The following STIM2 variants were observed in gnomAD, a reference collection of about 807,000 sequenced individuals.
The protein encoded by STIM2 is stromal interaction molecule 2.
A neutral mutation model predicts 85.8 loss-of-function variants in STIM2; 31 were observed. The ratio of observed to expected loss-of-function variants is 0.36; its 90% confidence interval spans 0.27 to 0.49. The LOEUF (loss-of-function observed/expected upper bound fraction) is 0.49, where lower values mean the gene tolerates loss of function less well. Ranked by LOEUF, STIM2 falls within the 20% of genes least tolerant of loss-of-function variation. The probability of loss-of-function intolerance (pLI) is 0.98; values close to 1 mark genes in which losing one functional copy is unlikely to be tolerated. For missense variants in STIM2, 841 were observed against 927.6 expected, an observed-to-expected ratio of 0.91 and a Z score of 1.21; for synonymous variants, 356 against 331.1, an observed-to-expected ratio of 1.08 and a Z score of -0.82.
chr4:27,022,604 T>C lies in STIM2; in HGVS notation c.1849T>C (p.Tyr617His), dbSNP rs759981562. 4 of 1,614,092 alleles carry C rather than the reference T, an allele frequency of 2.5e-6. No individual in the cohort carries two copies. Among genetic ancestry groups the C allele is most frequent in the South Asian group, 1.1e-5 (1 of 91,086 alleles). The stretch of plus-strand genomic sequence containing the variant: ...GTCTCCTCCTTTAAGCCTCGAGATA[T>C]ACCAAACATTATCTCCGCGAAAGAT... The change falls in exon 12 of 12, where the codon TAC becomes CAC. Residue 617 changes from tyrosine (Y) to histidine (H), a missense_variant. Tyr to His is a moderately conservative substitution (Grantham distance 83). Transcript: ENST00000467087.
rs138261553 is a variant in STIM2 at position 27,002,986 on chromosome 4, G to A, written c.863G>A (p.Arg288His). 2.6e-5 allele frequency: 42 copies of A among 1,599,450 alleles called. No individual in the cohort carries two copies. The highest frequency in any genetic ancestry group is 4.6e-5 in the East Asian group (2 of 43,808). The change falls in exon 7 of 12, where the codon CGC (arginine) becomes CAC (histidine). Residue 288 changes from arginine to histidine, a missense_variant. By Grantham distance (29) the Arg-to-His change is conservative (BLOSUM62 0). Coordinates refer to ENST00000467087, the MANE Select transcript of STIM2 (RefSeq NM_020860.4). ...GCTGTAGAAAAGCAAAATTTAGAGCGCAAAATGATGGATGAAATCAATTAT... is the reference window on the plus strand; with the variant it reads ...GCTGTAGAAAAGCAAAATTTAGAGCACAAAATGATGGATGAAATCAATTAT...
chr4:26,954,346 A>G (rs1353285244), intron 2 of STIM2, among the ~76,000 whole-genome samples: 1 of 125,500 alleles, frequency 8.0e-6, no homozygotes, highest in African/African-American at 3.5e-5. Context: ...GCACTCCCTT[A>G]TGTACCTTGT....
chr4:26,922,602 C>G (rs1204276005), intron 2 of STIM2, among the ~76,000 whole-genome samples: 2 of 152,134 alleles, frequency 1.3e-5, no homozygotes, highest in Non-Finnish European at 2.9e-5. Context: ...CTTCTTCATT[C>G]CACCCTCCCA....
In STIM2 at chr4:27,023,041, T is replaced by G. The variant is rs1230912812; in HGVS notation, c.*45T>G. The G allele has an allele frequency of 6.4e-7, 1 of 1,558,190 alleles. No homozygotes were observed. Among genetic ancestry groups the G allele is most frequent in the African/African-American group, 1.4e-5 (1 of 73,570 alleles). On this transcript the variant is annotated 3_prime_UTR_variant, in exon 12 of 12. Coordinates refer to ENST00000467087, the MANE Select transcript of STIM2 (RefSeq NM_020860.4). ...TCATGTTCAAGTGGCATCTGTAAAC[T>G]ATTATCCCCCACCCTCCACTCCCCA...
chr4:26,885,522 T>C (rs571061991), intron 1 of STIM2, among the ~76,000 whole-genome samples: 1 of 152,240 alleles, frequency 6.6e-6, no homozygotes, highest in South Asian at 2.1e-4. Flanking sequence ...TTTTGGTATC[T>C]GCTAAGACTG....
At chr4:26,984,045 A>C (rs1727494971) in intron 3 of STIM2, among the ~76,000 whole-genome samples, 1 of 152,196 alleles carries the variant, frequency 6.6e-6, no homozygotes. Context: ...TATACTTTGG[A>C]AAATAGCACC....
At chr4:26,885,726 A>T (rs943350725) in intron 1 of STIM2, among the ~76,000 whole-genome samples, 1 of 150,258 alleles carries the variant, frequency 6.7e-6, no homozygotes, top group Non-Finnish European at 1.5e-5. Flanking sequence ...TACCTTGGTT[A>T]CCAGGCTATG....
chr4:26,895,082 C>T (rs1196090645), intron 1 of STIM2, among the ~76,000 whole-genome samples: 1 of 152,190 alleles, frequency 6.6e-6, no homozygotes, highest in Admixed American at 6.5e-5. Context: ...CATGATGGCG[C>T]ACGCCTGAAA....
chr4:26,934,698 G>A (rs1725329959), intron 2 of STIM2, among the ~76,000 whole-genome samples: 1 of 152,144 alleles, frequency 6.6e-6, no homozygotes, highest in African/African-American at 2.4e-5. Context: ...TGAATCTCCT[G>A]AGGTCAGGAG....
At chr4:26,887,371 G>T (rs1288133207) in intron 1 of STIM2, among the ~76,000 whole-genome samples, 1 of 152,076 alleles carries the variant, frequency 6.6e-6, no homozygotes, top group East Asian at 1.9e-4. Context: ...GACTTTGATT[G>T]AACTCAAGGA....
At chr4:26,957,465 G>A in intron 2 of STIM2, 147 bp from the exon 3 acceptor site, 2 of 451,262 alleles carry the variant, frequency 4.4e-6, no homozygotes, top group South Asian at 3.5e-5. Flanking sequence ...TTACAAACAT[G>A]TAAGAATAAT....
chr4:27,019,641 C>T (rs1728850377), intron 11 of STIM2: 2 of 412,406 alleles, frequency 4.8e-6, no homozygotes, highest in South Asian at 2.1e-5. Flanking sequence ...TCTATTGAAC[C>T]ACCAGAATCC....
intron 3 of STIM2, among the ~76,000 whole-genome samples, chr4:26,973,635 G>A (rs1383553704): frequency 6.6e-6 from 1 of 152,136 alleles, no homozygotes; most frequent in African/African-American, 2.4e-5. Flanking sequence ...CTTTAGATTT[G>A]CTGAGGAGTG....
intron 4 of STIM2, among the ~76,000 whole-genome samples, chr4:26,998,532 T>A (rs1728038163): frequency 6.6e-6 from 1 of 152,150 alleles, no homozygotes; most frequent in African/African-American, 2.4e-5. Context: ...TAAAGTCTGC[T>A]ATAGATGTTA....
Position 27,017,831 on chromosome 4 carries a change from A to G in STIM2, c.1610A>G (p.His537Arg). 1 of 1,613,426 alleles carries G rather than the reference A, an allele frequency of 6.2e-7. No homozygotes were observed. The highest frequency in any genetic ancestry group is 2.2e-5 in the East Asian group (1 of 44,838). ...GCTCAGCTTGCTCCACACGCCCCCC[A>G]CCCGTCACACCCTCGGCACCCTCAC... Residue 537 changes from histidine (H) to arginine (R), a missense_variant, in exon 11 of 12, where the codon CAC becomes CGC. By Grantham distance (29) the His-to-Arg change is conservative (BLOSUM62 0). Around this residue, in one of 3 missense-constraint regions of STIM2, gnomAD observed 293 missense variants for 284.5 expected, o/e 1.03. Transcript: ENST00000467087.
At chr4:26,908,036 A>G (rs1422142295) in intron 1 of STIM2, among the ~76,000 whole-genome samples, 1 of 152,188 alleles carries the variant, frequency 6.6e-6, no homozygotes, top group Non-Finnish European at 1.5e-5. Flanking sequence ...TCAGTTGGAA[A>G]TGTTTCCACT....
chr4:27,021,336 G>A, intron 11 of STIM2: 1 of 403,622 alleles, frequency 2.5e-6, no homozygotes, highest in South Asian at 2.1e-5. Context: ...CAGGTAAAAG[G>A]AAAGAGAATG....
chr4:26,931,300 A>G (rs553189258), intron 2 of STIM2, among the ~76,000 whole-genome samples: 1 of 152,268 alleles, frequency 6.6e-6, no homozygotes, highest in East Asian at 1.9e-4. Context: ...GTGAGTTACT[A>G]GGTCCAGCCA....
rs138009110 is a variant in STIM2, at chr4:26,889,966, T to A, written c.151+28597T>A. ...TCCCAATTATGTCCTTCCAATTCTGTGACCATCTAGCTAAACAGTAGGCCA... is the reference window on the plus strand; with the variant it reads ...TCCCAATTATGTCCTTCCAATTCTGAGACCATCTAGCTAAACAGTAGGCCA... On this transcript the variant is annotated intron_variant, in intron 1 of 11. Transcript: ENST00000467087. 8.7e-4 allele frequency among the ~76,000 whole-genome samples: 133 copies of A among 152,310 alleles called. 1 individual carries two copies. In the East Asian group the frequency reaches 0.02, roughly 23 times the overall value.
Sources: gnomAD v4.1 joint callset for allele counts (sites outside exome capture counted in the v4.1 genomes callset) on GRCh38, gnomAD v4.1.1 for gene constraint, gnomAD v4.1.1 regional missense constraint, MANE v1.5 for transcripts, NCBI Gene and HGNC (gene_info 2026-07-23, HGNC 2026-07-21) for gene names.